The following PRTG variants were observed in gnomAD, a reference collection of about 807,000 sequenced individuals.
PRTG encodes protogenin.
PRTG carries 67 observed loss-of-function variants against 122.5 expected under a neutral mutation model. The observed-to-expected ratio is 0.55, with a 90% CI of 0.45 to 0.67. PRTG has a LOEUF of 0.67. Ranked by LOEUF, PRTG falls within the 30% of genes least tolerant of loss-of-function variation. The pLI, the probability that PRTG is intolerant of heterozygous loss-of-function variation, is 0.00. For synonymous variants in PRTG, 554 were observed against 501.1 expected, an observed-to-expected ratio of 1.11 and a Z score of -1.41; for missense variants, 1,435 against 1,415.4, an observed-to-expected ratio of 1.01 and a Z score of -0.22.
At chr15:55,661,759 A>C (rs1045693597) in intron 11 of PRTG, among the ~76,000 whole-genome samples, 1 of 152,120 alleles carries the variant, frequency 6.6e-6, no homozygotes, top group Admixed American at 6.6e-5. Flanking sequence ...CCACCTCCCC[A>C]CCACCATTGT....
At chr15:55,662,154 G>C (rs1368006989) in intron 11 of PRTG, among the ~76,000 whole-genome samples, 1 of 152,136 alleles carries the variant, frequency 6.6e-6, no homozygotes, top group Non-Finnish European at 1.5e-5. Context: ...GGCATATATT[G>C]CTGTCTTTCT....
intron 2 of PRTG, among the ~76,000 whole-genome samples, chr15:55,721,855 T>G (rs549642677): frequency 6.6e-6 from 1 of 152,310 alleles, no homozygotes; most frequent in Admixed American, 6.5e-5. Flanking sequence ...TCAGATCTCC[T>G]GAGAACTTAC....
chr15:55,727,262 A>C (rs1406140710), intron 2 of PRTG, among the ~76,000 whole-genome samples: 1 of 152,120 alleles, frequency 6.6e-6, no homozygotes, highest in Admixed American at 6.5e-5. Context: ...ACAAAACTTT[A>C]GCTAGACTGA....
At chr15:55,702,338 T>C (rs1179136530) in intron 2 of PRTG, among the ~76,000 whole-genome samples, 1 of 152,186 alleles carries the variant, frequency 6.6e-6, no homozygotes, top group African/African-American at 2.4e-5. Flanking sequence ...TCACTGTTTG[T>C]TTCATCAGTT....
rs2059139610 is a variant in PRTG, at chr15:55,615,832, A to G, written c.*4180T>C. ...TGAAACCACATCTGGGTATTCTTGC[A>G]TTAAAAAATAAATGATATTTTCAAT... On this transcript the variant is annotated 3_prime_UTR_variant, in exon 20 of 20. Coordinates refer to ENST00000389286, the MANE Select transcript of PRTG (RefSeq NM_173814.6). 6.6e-6 allele frequency: 1 copy of G among 152,150 alleles called. No individual in the cohort carries two copies. Among genetic ancestry groups the G allele is most frequent in the Non-Finnish European group, 1.5e-5 (1 of 67,976 alleles). 9.4% of individuals were successfully genotyped at this position (152,150 alleles called of 1,614,324 possible).
intron 11 of PRTG, among the ~76,000 whole-genome samples, chr15:55,668,762 T>C (rs1047291531): frequency 2.6e-5 from 4 of 152,188 alleles, no homozygotes; most frequent in African/African-American, 4.8e-5. Context: ...TTTCCATCAC[T>C]CTGCCAATAT....
At chr15:55,680,012 A>G (rs1276649575) in intron 6 of PRTG, 42 bp downstream of exon 6, 1 of 1,551,236 alleles carries the variant, frequency 6.4e-7, no homozygotes, top group South Asian at 1.2e-5. Flanking sequence ...GGCAAATGTT[A>G]AAATGTAAGA....
intron 2 of PRTG, among the ~76,000 whole-genome samples, chr15:55,735,127 A>G (rs1483941972): frequency 1.3e-5 from 2 of 152,182 alleles, no homozygotes; most frequent in Non-Finnish European, 2.9e-5. Flanking sequence ...AATAGTCTTG[A>G]CTGACAATGA....
At chr15:55,710,574 C>G (rs1230740718) in intron 2 of PRTG, among the ~76,000 whole-genome samples, 2 of 152,114 alleles carry the variant, frequency 1.3e-5, no homozygotes, top group African/African-American at 4.8e-5. Context: ...GCTGTGAGTA[C>G]ATTATAATAT....
intron 12 of PRTG, chr15:55,640,051 A>G: frequency 1.5e-6 from 1 of 656,850 alleles, no homozygotes; most frequent in Non-Finnish European, 1.9e-6. Context: ...GAACAGGCAT[A>G]CATTCTAAGA....
At chr15:55,660,891 C>G (rs926815443) in intron 11 of PRTG, among the ~76,000 whole-genome samples, 1 of 152,116 alleles carries the variant, frequency 6.6e-6, no homozygotes, top group Non-Finnish European at 1.5e-5. Context: ...ATCTGAGTAT[C>G]GTTATGTAAT....
intron 13 of PRTG, among the ~76,000 whole-genome samples, chr15:55,639,131 C>G (rs932120762): frequency 2.0e-5 from 3 of 152,164 alleles, no homozygotes; most frequent in African/African-American, 7.2e-5. Context: ...ACCACTATAC[C>G]TGGCTGATAT....
intron 11 of PRTG, among the ~76,000 whole-genome samples, chr15:55,667,553 GT>G (rs1490060938): frequency 6.6e-6 from 1 of 151,990 alleles, no homozygotes; most frequent in East Asian, 1.9e-4. Context: ...CTATGTTGAA[GT>G]TTCAACATAT....
chr15:55,646,597 C>T (rs1470504075), intron 11 of PRTG, among the ~76,000 whole-genome samples: 1 of 152,196 alleles, frequency 6.6e-6, no homozygotes, highest in Non-Finnish European at 1.5e-5. Flanking sequence ...GCTGGGATTA[C>T]AGGCGTGAGC....
intron 15 of PRTG, among the ~76,000 whole-genome samples, chr15:55,632,383 G>A (rs1440803882): frequency 2.0e-5 from 3 of 152,034 alleles, no homozygotes; most frequent in African/African-American, 4.8e-5. Flanking sequence ...CCTATGAAAT[G>A]GTCTCCTAGC....
At position 55,683,815 on chromosome 15, in the gene PRTG, G is replaced by T. The variant is rs773082745; in HGVS notation, c.514C>A (p.Arg172=). Residue 172 remains arginine, a synonymous_variant, in exon 3 of 20, where the codon CGG becomes AGG. Transcript: ENST00000389286. ...TCCATAGTCATAGGTAGAGTTGTCC[G>T]ATTGAACTCCCATGTTATGACTGCA... ...PPAVITWEFN[R]TTLPMTMDRI... 2 of 1,613,626 alleles carry T rather than the reference G, an allele frequency of 1.2e-6. No individual in the cohort carries two copies. The highest frequency in any genetic ancestry group is 2.7e-5 in the African/African-American group (2 of 74,900).
At chr15:55,734,718 C>T (rs1276927578) in intron 2 of PRTG, among the ~76,000 whole-genome samples, 3 of 145,262 alleles carry the variant, frequency 2.1e-5, no homozygotes, top group Admixed American at 1.4e-4. Context: ...TTTAAACGCT[C>T]ATCAAAAGTA....
intron 11 of PRTG, 77 bp from the exon 12 acceptor site, chr15:55,641,285 G>C: frequency 9.0e-7 from 1 of 1,110,270 alleles, no homozygotes; most frequent in African/African-American, 1.6e-5. Context: ...AGCCTTTATA[G>C]ATTTTGGTTT....
rs1405456726 is a variant in PRTG at position 55,704,194 on chromosome 15, T to C, written c.398-20263A>G. Among the ~76,000 whole-genome samples the C allele has an allele frequency of 4.6e-5, 7 of 152,200 alleles. No individual in the cohort carries two copies. In the South Asian group the frequency reaches 6.2e-4, roughly 13 times the overall value. ...CAAGAGATGCCTTTCTTATGCCTTG[T>C]TGTCATTCCATAAAGAATTAGTTCT... is the stretch of plus-strand genomic sequence containing the variant. On this transcript the variant is annotated intron_variant, in intron 2 of 19. Transcript: ENST00000389286.
Sources: allele counts gnomAD v4.1 joint callset (sites outside exome capture counted in the v4.1 genomes callset), GRCh38; gene constraint gnomAD v4.1.1; transcripts MANE v1.5; gene names NCBI Gene and HGNC (gene_info 2026-07-23, HGNC 2026-07-21).